TTC27: variants seen among roughly 807,000 people sequenced by gnomAD.
The protein encoded by TTC27 is tetratricopeptide repeat protein 27.
A neutral mutation model predicts 115.9 loss-of-function variants in TTC27; 79 were observed. The observed-to-expected ratio is 0.68, with a 90% CI of 0.57 to 0.82. The LOEUF is 0.82. Among genes scored for constraint, TTC27 ranks in the 40% least tolerant of loss-of-function variants. TTC27 has a pLI of 0.00. For missense variants in TTC27, 1,054 were observed against 993.1 expected, an observed-to-expected ratio of 1.06 and a Z score of -0.82; for synonymous variants, 401 against 356.0, an observed-to-expected ratio of 1.13 and a Z score of -1.42.
intron 9 of TTC27, among the ~76,000 whole-genome samples, chr2:32,697,261 C>T (rs1024406731): frequency 5.3e-5 from 8 of 151,784 alleles, no homozygotes; most frequent in African/African-American, 1.9e-4. Flanking sequence ...ATTATATCAG[C>T]TTATATTTAG....
chr2:32,732,099 A>G (rs547287616), intron 10 of TTC27, among the ~76,000 whole-genome samples: 38 of 152,270 alleles, frequency 2.5e-4, no homozygotes, highest in African/African-American at 9.1e-4. Flanking sequence ...TCCCTTCTCT[A>G]TGAAGTAATT....
intron 13 of TTC27, among the ~76,000 whole-genome samples, chr2:32,769,319 A>C (rs1213353324): frequency 2.0e-5 from 3 of 152,236 alleles, no homozygotes; most frequent in African/African-American, 7.2e-5. Flanking sequence ...GATAAAGTGC[A>C]GAGGGCTATG....
At chr2:32,669,868 T>G (rs1206573642) in intron 7 of TTC27, among the ~76,000 whole-genome samples, 2 of 112,972 alleles carry the variant, frequency 1.8e-5, no homozygotes, top group South Asian at 3.3e-4. Context: ...CCTAGGTGAC[T>G]AAGTGAGACT....
intron 9 of TTC27, among the ~76,000 whole-genome samples, chr2:32,693,280 T>A (rs1477147291): frequency 1.3e-5 from 2 of 152,160 alleles, no homozygotes; most frequent in Admixed American, 6.6e-5. Flanking sequence ...TGTTGTCAGA[T>A]AGCAAGACCT....
chr2:32,777,833 T>C, intron 13 of TTC27, 49 bp from the exon 14 acceptor site: 1 of 1,565,246 alleles, frequency 6.4e-7, no homozygotes, highest in African/African-American at 1.4e-5. Flanking sequence ...GATTACATTC[T>C]GTAAATGTTT....
intron 3 of TTC27, 39 bp from the exon 4 acceptor site, chr2:32,640,231 G>A: frequency 1.3e-6 from 2 of 1,558,780 alleles, no homozygotes; most frequent in Non-Finnish European, 1.7e-6. Flanking sequence ...TTAATATTTT[G>A]TTAAATTATA....
intron 10 of TTC27, among the ~76,000 whole-genome samples, chr2:32,720,974 G>A (rs1258257846): frequency 1.3e-5 from 2 of 152,192 alleles, no homozygotes; most frequent in South Asian, 2.1e-4. Context: ...ATTTGTGTGA[G>A]TAGAGAATCT....
At chr2:32,641,346 AGACAATGTTTCATTAAATG>A (rs1185491922) in intron 4 of TTC27, among the ~76,000 whole-genome samples, 37 of 152,376 alleles carry the variant, frequency 2.4e-4, no homozygotes, top group African/African-American at 7.5e-4. Flanking sequence ...GAGCAGCTGT[AGACAATGTTTCATTAAATG>A]GACATGACTG....
At chr2:32,698,520 C>T (rs1420539676) in intron 9 of TTC27, among the ~76,000 whole-genome samples, 2 of 146,894 alleles carry the variant, frequency 1.4e-5, no homozygotes, top group Admixed American at 1.4e-4. Context: ...CGCTCTGTCA[C>T]GCAGCCTGGA....
At chr2:32,672,946 A>T (rs548296647) in intron 8 of TTC27, among the ~76,000 whole-genome samples, 1 of 152,210 alleles carries the variant, frequency 6.6e-6, no homozygotes, top group Non-Finnish European at 1.5e-5. Flanking sequence ...CAAAATCAGA[A>T]AATTAATGTT....
intron 8 of TTC27, among the ~76,000 whole-genome samples, chr2:32,673,386 G>C (rs953980870): frequency 1.3e-5 from 2 of 151,974 alleles, no homozygotes; most frequent in African/African-American, 4.8e-5. Flanking sequence ...CACCATGCCC[G>C]GCTAATTTTT....
chr2:32,644,747 A>G (rs748947889), intron 4 of TTC27, among the ~76,000 whole-genome samples: 2 of 151,710 alleles, frequency 1.3e-5, no homozygotes, highest in Non-Finnish European at 2.9e-5. Context: ...CATTCAACTG[A>G]AGCATTATTC....
At chr2:32,814,007 T>G (rs1213687352) in intron 18 of TTC27, among the ~76,000 whole-genome samples, 1 of 152,204 alleles carries the variant, frequency 6.6e-6, no homozygotes, top group Non-Finnish European at 1.5e-5. Context: ...GCTTTTGGTC[T>G]TTGTGGATAT....
At position 32,812,203 on chromosome 2, in the gene TTC27, C is replaced by T. The variant is rs114661311; in HGVS notation, c.2197-301C>T. ...TCATTCTCTAAACAGGTTTTTTAAACTGATGGCTACAAATGCTGAGAAAAT... is the reference window on the plus strand; with the variant it reads ...TCATTCTCTAAACAGGTTTTTTAAATTGATGGCTACAAATGCTGAGAAAAT... On this transcript the variant is annotated intron_variant, in intron 17 of 19. Transcript: ENST00000317907. Among the ~76,000 whole-genome samples, 1,233 of 152,266 alleles carry T rather than the reference C, an allele frequency of 8.1e-3. 9 individuals carry two copies. Among genetic ancestry groups the T allele is most frequent in the Non-Finnish European group, 0.013 (897 of 68,016 alleles).
intron 12 of TTC27, among the ~76,000 whole-genome samples, chr2:32,738,119 G>A (rs986624582): frequency 2.6e-4 from 39 of 152,176 alleles, no homozygotes; most frequent in Non-Finnish European, 2.5e-4. Flanking sequence ...TTTCCCTTAT[G>A]ATTTGCTTCA....
At chr2:32,762,647 T>G (rs1205540368) in intron 13 of TTC27, among the ~76,000 whole-genome samples, 1 of 151,904 alleles carries the variant, frequency 6.6e-6, no homozygotes, top group East Asian at 1.9e-4. Flanking sequence ...TTTGTTTTGT[T>G]TTTTGAGATG....
In TTC27 at chr2:32,736,776, A is replaced by G. The variant is rs1235783974; in HGVS notation, c.1412A>G (p.Asp471Gly). The change falls in exon 12 of 20, where the codon GAT (aspartate) becomes GGT (glycine). Residue 471 changes from aspartate (D) to glycine (G), a missense_variant. Physicochemically the swap from Asp to Gly is moderately conservative, Grantham distance 94. Transcript: ENST00000317907. ...QIFEKLEMWE[D>G]VVICYERAGQ... ...TTTGAAAAGCTAGAAATGTGGGAAGATGTTGTCATTTGTTATGAAAGAGCC... is the reference window on the plus strand; with the variant it reads ...TTTGAAAAGCTAGAAATGTGGGAAGGTGTTGTCATTTGTTATGAAAGAGCC... 1 of 1,613,902 alleles carries G rather than the reference A, an allele frequency of 6.2e-7. No homozygotes were observed. Among genetic ancestry groups the G allele is most frequent in the Non-Finnish European group, 8.5e-7 (1 of 1,179,960 alleles).
chr2:32,648,439 T>C (rs1447611183), intron 4 of TTC27, among the ~76,000 whole-genome samples: 7 of 136,408 alleles, frequency 5.1e-5, no homozygotes, highest in Non-Finnish European at 9.9e-5. Context: ...ACCCCCCCTT[T>C]TTTTTTTTTT....
At chr2:32,719,395 T>C (rs774143336) in intron 10 of TTC27, among the ~76,000 whole-genome samples, 7 of 152,188 alleles carry the variant, frequency 4.6e-5, no homozygotes, top group Non-Finnish European at 7.3e-5. Context: ...TAACAGGTAT[T>C]GAGGTTGACT....
Sources: allele counts gnomAD v4.1 joint callset (sites outside exome capture counted in the v4.1 genomes callset), GRCh38; gene constraint gnomAD v4.1.1; transcripts MANE v1.5; gene names NCBI Gene and HGNC (gene_info 2026-07-23, HGNC 2026-07-21).